ABCB1: variants seen among roughly 807,000 people sequenced by gnomAD.
The protein encoded by ABCB1 is ATP binding cassette subfamily B member 1.
Under a neutral mutation model 142.0 loss-of-function variants are expected in ABCB1, and 69 were observed. The observed-to-expected ratio is 0.49, with a 90% CI of 0.40 to 0.59. ABCB1 has a LOEUF of 0.59. Ranked by LOEUF, ABCB1 falls within the 20% of genes least tolerant of loss-of-function variation. ABCB1 has a pLI of 0.00. For missense variants in ABCB1, 1,326 were observed against 1,554.7 expected (o/e 0.85, Z 2.47); for synonymous variants, 532 against 539.2 (o/e 0.99, Z 0.18).
chr7:87,509,151 G>C, intron 26 of ABCB1, 124 bp downstream of exon 26: 1 of 939,730 alleles, frequency 1.1e-6, no homozygotes, highest in Non-Finnish European at 1.7e-6. Context: ...CTTGTATACA[G>C]GTAAGGGTGT....
chr7:87,601,172 C>T (rs1252366404), upstream of ABCB1: 1 of 152,204 alleles, frequency 6.6e-6, no homozygotes, highest in East Asian at 1.9e-4. Flanking sequence ...CATAAGTCTT[C>T]ATATCCATAT....
At chr7:87,528,074 G>A (rs1815871839) in intron 21 of ABCB1, among the ~76,000 whole-genome samples, 1 of 152,116 alleles carries the variant, frequency 6.6e-6, no homozygotes, top group African/African-American at 2.4e-5. Context: ...CAGATCTCAT[G>A]AGACTTATTC....
chr7:87,593,968 T>C (rs763267985), intron 3 of ABCB1, among the ~76,000 whole-genome samples: 9 of 152,230 alleles, frequency 5.9e-5, no homozygotes, highest in Non-Finnish European at 1.0e-4. Flanking sequence ...GAAGCTGGGC[T>C]TCTTGGAAAC....
intron 1 of ABCB1, among the ~76,000 whole-genome samples, chr7:87,697,106 C>A (rs907538163): frequency 1.3e-5 from 2 of 152,176 alleles, no homozygotes; most frequent in African/African-American, 2.4e-5. Flanking sequence ...AAACCATGTC[C>A]TATGCCAAAG....
At chr7:87,579,818 T>C (rs748017745) in intron 4 of ABCB1, among the ~76,000 whole-genome samples, 1 of 152,204 alleles carries the variant, frequency 6.6e-6, no homozygotes, top group Non-Finnish European at 1.5e-5. Flanking sequence ...ATCTGCTGTA[T>C]GTTATTTTAT....
At chr7:87,668,631 C>T (rs1825512652) in intron 1 of ABCB1, among the ~76,000 whole-genome samples, 1 of 152,076 alleles carries the variant, frequency 6.6e-6, no homozygotes, top group African/African-American at 2.4e-5. Flanking sequence ...GAAGTTCTCT[C>T]TTAACACTGT....
At chr7:87,709,728 A>G (rs1347719218) in intron 1 of ABCB1, among the ~76,000 whole-genome samples, 1 of 151,988 alleles carries the variant, frequency 6.6e-6, no homozygotes, top group Admixed American at 6.6e-5. Flanking sequence ...GATTAGTGTC[A>G]CCTTTATACT....
intron 26 of ABCB1, among the ~76,000 whole-genome samples, chr7:87,508,002 T>TA (rs1368428874): frequency 6.7e-6 from 1 of 149,292 alleles, no homozygotes; most frequent in East Asian, 2.0e-4. Context: ...GGAAGGGGGG[T>TA]AAGTGTTGAA....
intron 4 of ABCB1, among the ~76,000 whole-genome samples, chr7:87,583,372 C>T (rs191332434): frequency 1.1e-3 from 160 of 152,222 alleles, no homozygotes; most frequent in Middle Eastern, 3.4e-3. Flanking sequence ...AGAGTATGTT[C>T]GCTAACCACT....
At chr7:87,551,347 A>T (rs538270637) in intron 9 of ABCB1, among the ~76,000 whole-genome samples, 1 of 152,354 alleles carries the variant, frequency 6.6e-6, no homozygotes, top group South Asian at 2.1e-4. Context: ...TCACCTCAAA[A>T]GGTGTCAAGT....
At chr7:87,647,874 A>G (rs2130350938) in intron 1 of ABCB1, among the ~76,000 whole-genome samples, 1 of 152,210 alleles carries the variant, frequency 6.6e-6, no homozygotes, top group South Asian at 2.1e-4. Context: ...TGCAGAGATG[A>G]AAGTACAGAA....
chr7:87,578,611 T>C (rs1168344656), intron 4 of ABCB1, among the ~76,000 whole-genome samples: 1 of 152,178 alleles, frequency 6.6e-6, no homozygotes, highest in Non-Finnish European at 1.5e-5. Flanking sequence ...CAGTTTTCAT[T>C]GTAGAGATCT....
intron 9 of ABCB1, among the ~76,000 whole-genome samples, chr7:87,552,675 C>T (rs1201730269): frequency 1.4e-5 from 2 of 145,434 alleles, no homozygotes; most frequent in East Asian, 4.0e-4. Flanking sequence ...TGGGAAAAGC[C>T]ATTCCCCACT....
intron 5 of ABCB1, among the ~76,000 whole-genome samples, chr7:87,569,860 A>G (rs1817961414): frequency 6.6e-6 from 1 of 152,124 alleles, no homozygotes. Flanking sequence ...GCACATATAT[A>G]TTATAGAAAA....
At chr7:87,602,783 A>G (rs1314214134), upstream of ABCB1, among the ~76,000 whole-genome samples, 1 of 152,192 alleles carries the variant, frequency 6.6e-6, no homozygotes. Flanking sequence ...TCTTTGCTCC[A>G]CTGACATGAA....
chr7:87,551,593 C>T (rs534045700), intron 9 of ABCB1, among the ~76,000 whole-genome samples: 1 of 152,214 alleles, frequency 6.6e-6, no homozygotes, highest in Admixed American at 6.5e-5. Context: ...TGGGTTCAGA[C>T]AACCCTCTCA....
intron 18 of ABCB1, among the ~76,000 whole-genome samples, chr7:87,540,933 C>T (rs1816506463): frequency 6.6e-6 from 1 of 152,142 alleles, no homozygotes; most frequent in Admixed American, 6.5e-5. Flanking sequence ...ACTCTTCAAA[C>T]CCTTTTTAAA....
At chr7:87,659,466 T>A (rs1490493093) in intron 1 of ABCB1, among the ~76,000 whole-genome samples, 1 of 152,178 alleles carries the variant, frequency 6.6e-6, no homozygotes, top group Admixed American at 6.5e-5. Flanking sequence ...AATCTTACCT[T>A]TCTTTATGTC....
chr7:87,629,849 C>A (rs1821021538), intron 1 of ABCB1, among the ~76,000 whole-genome samples: 1 of 151,314 alleles, frequency 6.6e-6, no homozygotes, highest in South Asian at 2.1e-4. Context: ...TCGATTGAAC[C>A]TGGGAGGCGG....
Sources: allele counts gnomAD v4.1 joint callset (sites outside exome capture counted in the v4.1 genomes callset), GRCh38; gene constraint gnomAD v4.1.1; transcripts MANE v1.5; gene names NCBI Gene and HGNC (gene_info 2026-07-23, HGNC 2026-07-21).